The following KSR1 variants were observed in gnomAD, a reference collection of about 807,000 sequenced individuals.
KSR1 encodes kinase suppressor of ras 1, also known as kinase suppressor of ras.
Under a neutral mutation model 92.9 loss-of-function variants are expected in KSR1, and 35 were observed. That is an observed-to-expected ratio of 0.38 (90% CI 0.29 to 0.50). The LOEUF (loss-of-function observed/expected upper bound fraction) is 0.50, where lower values mean the gene tolerates loss of function less well. Ranked by LOEUF, KSR1 falls within the 20% of genes least tolerant of loss-of-function variation. The pLI, the probability that KSR1 is intolerant of heterozygous loss-of-function variation, is 0.94. For synonymous variants in KSR1, 467 were observed against 472.6 expected (o/e 0.99, Z 0.15); for missense variants, 972 against 1,158.5 (o/e 0.84, Z 2.34).
intron 1 of KSR1, among the ~76,000 whole-genome samples, chr17:27,463,378 C>T (rs1427214731): frequency 2.0e-5 from 3 of 151,400 alleles, no homozygotes; most frequent in Admixed American, 6.6e-5. Context: ...CATGGTGGCA[C>T]GCTCCTGTAG....
chr17:27,478,681 T>C (rs954005539), intron 1 of KSR1, among the ~76,000 whole-genome samples: 1 of 152,040 alleles, frequency 6.6e-6, no homozygotes, highest in Non-Finnish European at 1.5e-5. Flanking sequence ...ACCCCTACCA[T>C]GGATCACCAT....
At chr17:27,606,922 C>G (rs927393073) in intron 14 of KSR1, among the ~76,000 whole-genome samples, 4 of 152,178 alleles carry the variant, frequency 2.6e-5, no homozygotes, top group African/African-American at 9.7e-5. Flanking sequence ...ACCTCTGCCT[C>G]CCAGGCTCAA....
At chr17:27,529,744 A>G (rs190097883) in intron 1 of KSR1, among the ~76,000 whole-genome samples, 112 of 152,318 alleles carry the variant, frequency 7.4e-4, no homozygotes, top group African/African-American at 2.6e-3. Flanking sequence ...TCATTCTTCA[A>G]GACCCAATTC....
Position 27,590,910 on chromosome 17 carries a change from G to A in KSR1, c.1130+16G>A, listed in dbSNP as rs2073143935. The A allele has an allele frequency of 6.3e-7, 1 of 1,599,844 alleles. No homozygotes were observed. ...AGCATTGCAGGTGATGGGAAGAGGA[G>A]TGGGGGTGGGGGGAGCAGACACTTT... On this transcript the variant is annotated intron_variant, in intron 7 of 20. Coordinates refer to ENST00000644974, the MANE Select transcript of KSR1 (RefSeq NM_001394583.1).
At chr17:27,558,556 C>T (rs1349727698) in intron 2 of KSR1, among the ~76,000 whole-genome samples, 2 of 152,144 alleles carry the variant, frequency 1.3e-5, no homozygotes, top group South Asian at 4.1e-4. Context: ...GGCCAGGTGC[C>T]CAGCTGTAAC....
chr17:27,585,095 C>T (rs945594440), intron 4 of KSR1, among the ~76,000 whole-genome samples: 11 of 152,202 alleles, frequency 7.2e-5, no homozygotes, highest in Admixed American at 3.9e-4. Flanking sequence ...TGCCACCACA[C>T]CTGGCTAATT....
At chr17:27,595,020 C>T (rs901961610) in intron 9 of KSR1, among the ~76,000 whole-genome samples, 3 of 152,174 alleles carry the variant, frequency 2.0e-5, no homozygotes, top group African/African-American at 7.2e-5. Flanking sequence ...TCAGTGGATC[C>T]AGCTCCCACT....
At chr17:27,533,050 C>T (rs1367835774) in intron 1 of KSR1, among the ~76,000 whole-genome samples, 2 of 152,132 alleles carry the variant, frequency 1.3e-5, no homozygotes, top group Non-Finnish European at 2.9e-5. Flanking sequence ...CAGCATTGGC[C>T]TGATGGACAG....
intron 2 of KSR1, among the ~76,000 whole-genome samples, chr17:27,570,655 C>T (rs1372586340): frequency 1.3e-5 from 2 of 152,194 alleles, no homozygotes; most frequent in Non-Finnish European, 2.9e-5. Flanking sequence ...GACCTGGGCA[C>T]AGGAGAGGAC....
intron 1 of KSR1, among the ~76,000 whole-genome samples, chr17:27,485,374 G>C (rs1010491658): frequency 8.5e-5 from 13 of 152,164 alleles, no homozygotes; most frequent in African/African-American, 2.9e-4. Context: ...TGTCAATCTG[G>C]CTTGCACGCT....
In KSR1 at chr17:27,604,711, G is replaced by T; in HGVS notation, c.1597G>T (p.Glu533Ter). 1 of 1,614,048 alleles carries T rather than the reference G, an allele frequency of 6.2e-7. No homozygotes were observed. Among genetic ancestry groups the T allele is most frequent in the Non-Finnish European group, 8.5e-7 (1 of 1,179,896 alleles). Residue 533 changes from glutamate to a stop codon, truncating the protein, a stop_gained, in exon 13 of 21, where the codon GAA becomes TAA. Transcript: ENST00000644974. LOFTEE classifies it high-confidence loss of function. ...TGACCAGCCGAAAGCAGATGTGTTG[G>T]AAGCTCACGAAGCGGAGGTGAGGGT... ...LDDQPKADVLEAHEAEAEEPE... is the reference protein window; with the variant it reads ...LDDQPKADVL
At chr17:27,520,496 C>A (rs997619954) in intron 1 of KSR1, among the ~76,000 whole-genome samples, 1 of 152,188 alleles carries the variant, frequency 6.6e-6, no homozygotes, top group African/African-American at 2.4e-5. Flanking sequence ...GCTTGGTGCG[C>A]ATAATAAGTG....
At chr17:27,544,663 T>G (rs1226852960) in intron 1 of KSR1, among the ~76,000 whole-genome samples, 1 of 152,228 alleles carries the variant, frequency 6.6e-6, no homozygotes, top group African/African-American at 2.4e-5. Context: ...AGAGACGTAA[T>G]GACTCTTTCC....
rs987254761 is a variant in KSR1, at chr17:27,549,689, G to C, written c.232-879G>C. Among the ~76,000 whole-genome samples the C allele has an allele frequency of 2.6e-5, 4 of 151,898 alleles. No individual in the cohort carries two copies. The South Asian group carries it at 8.3e-4, about 32-fold the overall frequency. On this transcript the variant is annotated intron_variant, in intron 1 of 20. Coordinates refer to ENST00000644974, the MANE Select transcript of KSR1 (RefSeq NM_001394583.1). ...ATCCCTGAAAGCCTACTGGGAATCC[G>C]AGTCCAGGACCCTGGCCAATACTGC...
intron 12 of KSR1, among the ~76,000 whole-genome samples, chr17:27,604,221 C>T (rs143291445): frequency 1.6e-4 from 24 of 152,330 alleles, no homozygotes; most frequent in African/African-American, 5.8e-4. Flanking sequence ...ACTTGACTCA[C>T]ATTCCCGCAT....
At chr17:27,603,600 A>G (rs1353204150) in intron 11 of KSR1, among the ~76,000 whole-genome samples, 4 of 152,140 alleles carry the variant, frequency 2.6e-5, no homozygotes, top group African/African-American at 7.2e-5. Flanking sequence ...GCCCCTGCCC[A>G]GAGCCCCTTC....
chr17:27,520,049 G>A (rs1197483124), intron 1 of KSR1, among the ~76,000 whole-genome samples: 1 of 152,192 alleles, frequency 6.6e-6, no homozygotes, highest in East Asian at 1.9e-4. Context: ...TAAACCTGTA[G>A]CTGATGTCAG....
At chr17:27,550,455 C>A (rs536474028) in intron 1 of KSR1, 113 bp from the exon 2 acceptor site, 1 of 699,394 alleles carries the variant, frequency 1.4e-6, no homozygotes, top group African/African-American at 1.7e-5. Context: ...GAGCCAGCCC[C>A]TTCCCTCATC....
intron 1 of KSR1, among the ~76,000 whole-genome samples, chr17:27,544,970 G>A (rs2071107917): frequency 6.6e-6 from 1 of 152,216 alleles, no homozygotes; most frequent in African/African-American, 2.4e-5. Flanking sequence ...TGCTCCATCA[G>A]CAGAACCCAA....
Sources: allele counts gnomAD v4.1 joint callset (sites outside exome capture counted in the v4.1 genomes callset), GRCh38; gene constraint gnomAD v4.1.1; transcripts MANE v1.5; gene names NCBI Gene and HGNC (gene_info 2026-07-23, HGNC 2026-07-21).